The following CYP3A7 variants were observed in gnomAD, a reference collection of about 807,000 sequenced individuals.
The protein encoded by CYP3A7 is cytochrome P450 3A7.
In CYP3A7, 45 loss-of-function variants were observed where a neutral mutation model predicts 55.2. The ratio of observed to expected loss-of-function variants is 0.82; its 90% CI spans 0.64 to 1.05. The LOEUF (loss-of-function observed/expected upper bound fraction) is 1.05. CYP3A7 is among the 50% of genes least tolerant of loss of function. The pLI, the probability that CYP3A7 is intolerant of heterozygous loss-of-function variation, is 0.00. For synonymous variants in CYP3A7, 180 were observed against 207.4 expected (o/e 0.87, Z 1.13); for missense variants, 548 against 605.3 (o/e 0.91, Z 0.99).
chr7:99,731,742 C>G (rs954435292), intron 1 of CYP3A7, among the ~76,000 whole-genome samples: 24 of 152,224 alleles, frequency 1.6e-4, no homozygotes, highest in African/African-American at 5.1e-4. Context: ...ACAGAGAGGT[C>G]TTGGAGGAGT....
intron 2 of CYP3A7, among the ~76,000 whole-genome samples, chr7:99,729,817 CT>C (rs1410516125): frequency 2.6e-5 from 4 of 152,206 alleles, no homozygotes; most frequent in Admixed American, 2.0e-4. Context: ...TGCCCCACCC[CT>C]ATCTCCCCTT....
At position 99,705,575 on chromosome 7, in the gene CYP3A7, A is replaced by G. The variant is rs773789511; in HGVS notation, c.1437T>C (p.Phe479=). Residue 479 remains phenylalanine, a synonymous_variant, in exon 13 of 13, where the codon TTT becomes TTC. Transcript: ENST00000336374. ...KETQIPLKLR[F]GGLLLTEKPI... Reference sequence around the variant, plus strand: ...GTTTTTCTGTTAGAAGAAGTCCTCCAAAGCGTAATTTCAGGGGGATCTGCA... The same window carrying G: ...GTTTTTCTGTTAGAAGAAGTCCTCCGAAGCGTAATTTCAGGGGGATCTGCA... The G allele has an allele frequency of 3.1e-6, 5 of 1,613,670 alleles. No homozygotes were observed. Among genetic ancestry groups the G allele is most frequent in the South Asian group, 1.1e-5 (1 of 91,080 alleles).
chr7:99,714,476 G>A lies in CYP3A7; in HGVS notation c.798+79C>T. The A allele has an allele frequency of 2.5e-6, 4 of 1,578,506 alleles. No individual in the cohort carries two copies. In the South Asian group the frequency reaches 3.5e-5, roughly 14 times the overall value. The stretch of plus-strand genomic sequence containing the variant: ...AAAATCTTTCTCTAAAAACATACAG[G>A]GAAGTGCACCGATCATATGTATATT... On this transcript the variant is annotated intron_variant, in intron 8 of 12. Coordinates refer to ENST00000336374, the MANE Select transcript of CYP3A7 (RefSeq NM_000765.5).
At chr7:99,724,912 C>T (rs113723247) in intron 2 of CYP3A7, among the ~76,000 whole-genome samples, 3 of 152,168 alleles carry the variant, frequency 2.0e-5, no homozygotes, top group African/African-American at 7.2e-5. Flanking sequence ...TGACCTCCCC[C>T]CTCTCCCCAG....
At chr7:99,713,586 G>A in intron 8 of CYP3A7, 51 bp from the exon 9 acceptor site, 1 of 1,611,608 alleles carries the variant, frequency 6.2e-7, no homozygotes, top group South Asian at 1.1e-5. Flanking sequence ...CGTGAAGTCA[G>A]AAGTTAATCA....
intron 2 of CYP3A7, among the ~76,000 whole-genome samples, chr7:99,726,975 G>A (rs1041592221): frequency 1.3e-5 from 2 of 152,086 alleles, no homozygotes; most frequent in Non-Finnish European, 2.9e-5. Flanking sequence ...GGGCATGGTT[G>A]GATACTTTTG....
intron 12 of CYP3A7, 131 bp from the exon 13 acceptor site, chr7:99,705,726 A>G (rs553783663): frequency 8.8e-7 from 1 of 1,131,776 alleles, no homozygotes; most frequent in East Asian, 2.7e-5. Context: ...AGCACTATAA[A>G]TCTTGGATTC....
At chr7:99,715,942 A>G (rs182852329) in intron 6 of CYP3A7, 36 bp from the exon 7 acceptor site, 136 of 1,612,530 alleles carry the variant, frequency 8.4e-5, no homozygotes, top group Admixed American at 3.3e-5. Context: ...TAAAATCAGC[A>G]CCTCTTTACC....
chr7:99,723,590 C>G (rs1179505762), intron 2 of CYP3A7, among the ~76,000 whole-genome samples: 1 of 152,132 alleles, frequency 6.6e-6, no homozygotes, highest in Non-Finnish European at 1.5e-5. Context: ...GTGCCAAAGA[C>G]CTGGGACAGG....
At chr7:99,706,020 T>C (rs1410747456) in intron 12 of CYP3A7, among the ~76,000 whole-genome samples, 1 of 152,210 alleles carries the variant, frequency 6.6e-6, no homozygotes, top group Non-Finnish European at 1.5e-5. Flanking sequence ...CTATTGTACA[T>C]TTTAATTATG....
chr7:99,732,347 G>A (rs1172535904), intron 1 of CYP3A7, among the ~76,000 whole-genome samples: 1 of 152,164 alleles, frequency 6.6e-6, no homozygotes, highest in Admixed American at 6.5e-5. Flanking sequence ...GCAGAACCAT[G>A]AGCCAATTAA....
chr7:99,729,924 C>T (rs1224498770), intron 2 of CYP3A7, among the ~76,000 whole-genome samples: 2 of 152,192 alleles, frequency 1.3e-5, no homozygotes, highest in East Asian at 1.9e-4. Flanking sequence ...CTCACACGGA[C>T]GCATGTGAAA....
intron 2 of CYP3A7, among the ~76,000 whole-genome samples, chr7:99,723,962 A>T (rs1156500637): frequency 6.6e-6 from 1 of 152,100 alleles, no homozygotes; most frequent in Non-Finnish European, 1.5e-5. Context: ...CACTGTGGGG[A>T]TGCCTGCCTT....
chr7:99,722,147 A>G lies in CYP3A7; in HGVS notation c.218+149T>C, dbSNP rs539968177. The stretch of plus-strand genomic sequence containing the variant: ...TCTAATACTCTTCTCCCAAATACAT[A>G]TCTTCTTCTTTCAGAAAACCTCTCT... On this transcript the variant is annotated intron_variant, in intron 3 of 12. Coordinates refer to ENST00000336374, the MANE Select transcript of CYP3A7 (RefSeq NM_000765.5). 5.2e-4 allele frequency: 498 copies of G among 961,600 alleles called. 3 individuals carry two copies. In the South Asian group the frequency reaches 6.9e-3, roughly 13 times the overall value. The allele number at this position is 961,600 out of a possible 1,614,324, so 59.6% of individuals were successfully genotyped here.
chr7:99,722,915 A>C (rs1814258826), intron 2 of CYP3A7, among the ~76,000 whole-genome samples: 1 of 152,206 alleles, frequency 6.6e-6, no homozygotes, highest in Non-Finnish European at 1.5e-5. Context: ...AGAATGACAA[A>C]GTGGACTCGC....
intron 7 of CYP3A7, among the ~76,000 whole-genome samples, chr7:99,715,075 A>C (rs375135854): frequency 6.6e-6 from 1 of 152,344 alleles, no homozygotes; most frequent in Non-Finnish European, 1.5e-5. Flanking sequence ...TCTGTCACCT[A>C]TCATAGGATA....
intron 1 of CYP3A7, among the ~76,000 whole-genome samples, chr7:99,734,080 A>G (rs926013463): frequency 3.9e-5 from 6 of 152,222 alleles, no homozygotes; most frequent in Non-Finnish European, 7.4e-5. Flanking sequence ...CTCCAAAAAA[A>G]TCTGGCTTTA....
At chr7:99,731,744 T>C (rs1008965670) in intron 1 of CYP3A7, among the ~76,000 whole-genome samples, 25 of 152,308 alleles carry the variant, frequency 1.6e-4, no homozygotes, top group African/African-American at 5.3e-4. Flanking sequence ...AGAGAGGTCT[T>C]GGAGGAGTCA....
intron 11 of CYP3A7, 45 bp from the exon 12 acceptor site, chr7:99,708,019 C>T: frequency 5.6e-6 from 9 of 1,612,952 alleles, no homozygotes; most frequent in Non-Finnish European, 7.6e-6. Context: ...AGACATAATA[C>T]CTCTAAGAGT....
Sources: gnomAD v4.1 joint callset for allele counts (sites outside exome capture counted in the v4.1 genomes callset) on GRCh38, gnomAD v4.1.1 for gene constraint, MANE v1.5 for transcripts, NCBI Gene and HGNC (gene_info 2026-07-23, HGNC 2026-07-21) for gene names.